The following RSRP1 variants were observed in gnomAD, a reference collection of about 807,000 sequenced individuals.
RSRP1 encodes arginine/serine-rich protein 1.
In RSRP1, 37 loss-of-function variants were observed where a neutral mutation model predicts 33.0. That is an observed-to-expected ratio of 1.12 (90% confidence interval 0.86 to 1.48). RSRP1 has a LOEUF of 1.48. Ranked by LOEUF, RSRP1 falls within the 40% of genes most tolerant of loss-of-function variation. The pLI, the probability that RSRP1 is intolerant of heterozygous loss-of-function variation, is 0.00. For missense variants in RSRP1, 402 were observed against 385.3 expected (o/e 1.04, Z -0.36); for synonymous variants, 167 against 158.7 (o/e 1.05, Z -0.40).
chr1:25,252,191 G>A (rs557289854), upstream of RSRP1, among the ~76,000 whole-genome samples: 5 of 151,780 alleles, frequency 3.3e-5, no homozygotes, highest in East Asian at 9.7e-4. Flanking sequence ...AGCCTCCCAA[G>A]TAGCAGGGAT....
chr1:25,248,408 G>A (rs190288678), upstream of RSRP1: 29 of 151,078 alleles, frequency 1.9e-4, no homozygotes, highest in African/African-American at 6.8e-4. Flanking sequence ...GAGTGTGGTG[G>A]GGCCATCACG....
intron 1 of RSRP1, among the ~76,000 whole-genome samples, chr1:25,323,573 C>G (rs537576460): frequency 0.015 from 1,832 of 125,716 alleles, 322 homozygotes; most frequent in African/African-American, 0.047. Flanking sequence ...GATCCTCCCC[C>G]CTCAGCCTCC....
rs1382729263 is a variant in RSRP1 at position 25,300,586 on chromosome 1, G to C, written c.-67+37392C>G. ...GCACTTTGGGAGGCCGAGGCGGGTG[G>C]ATCGCCTGAGGTCAGGAGTTTGAGA... is the stretch of plus-strand genomic sequence containing the variant. On this transcript the variant is annotated intron_variant, in intron 1 of 1. Coordinates refer to the RSRP1 transcript ENST00000561867. 8.5e-5 allele frequency among the ~76,000 whole-genome samples: 11 copies of C among 130,018 alleles called. 3 individuals are homozygous for C. Among genetic ancestry groups the C allele is most frequent in the African/African-American group, 2.9e-4 (11 of 37,838 alleles). 85.3% of individuals were successfully genotyped at this position (130,018 alleles called of 152,430 possible). A position where few individuals can be genotyped will look rare whatever the true frequency, so the allele number is the denominator to read the frequency against.
chr1:25,263,857 G>A (rs1640235201), intron 1 of RSRP1, among the ~76,000 whole-genome samples: 1 of 152,002 alleles, frequency 6.6e-6, no homozygotes. Context: ...AGATACAATG[G>A]GGGTACAGGC....
At chr1:25,272,839 C>T (rs1000885917) in intron 1 of RSRP1, 1 of 1,085,890 alleles carries the variant, frequency 9.2e-7, no homozygotes, top group African/African-American at 1.5e-5. Context: ...GTAGATTGCA[C>T]CGAAATTCAG....
chr1:25,267,753 G>C (rs1640356534), intron 1 of RSRP1: 1 of 132,226 alleles, frequency 7.6e-6, no homozygotes, highest in African/African-American at 2.6e-5. Context: ...AATCAAGACG[G>C]GTACGAAGGC....
At chr1:25,258,354 A>AT (rs897720919) in intron 1 of RSRP1, among the ~76,000 whole-genome samples, 2 of 151,890 alleles carry the variant, frequency 1.3e-5, no homozygotes, top group Non-Finnish European at 2.9e-5. Context: ...TAATTTTTGT[A>AT]TTTTTTGTAG....
chr1:25,317,811 G>C (rs1032779705), intron 1 of RSRP1, among the ~76,000 whole-genome samples: 1 of 81,898 alleles, frequency 1.2e-5, no homozygotes, highest in African/African-American at 4.0e-5. Context: ...TGTGTTGAGG[G>C]AACAGTAAGG....
At chr1:25,318,125 C>A (rs370955452) in intron 1 of RSRP1, 1 of 130,072 alleles carries the variant, frequency 7.7e-6, no homozygotes, top group East Asian at 2.0e-4. Context: ...GATTCAAGAC[C>A]AGCATGGCCA....
intron 1 of RSRP1, among the ~76,000 whole-genome samples, chr1:25,305,610 G>GTTGTTGT (rs1328261072): frequency 8.0e-6 from 1 of 124,414 alleles, no homozygotes; most frequent in African/African-American, 2.8e-5. Context: ...TGTTGTTGTT[G>GTTGTTGT]TTGTTGTTGA....
At chr1:25,250,222 G>A (rs959066250), upstream of RSRP1, among the ~76,000 whole-genome samples, 3 of 152,104 alleles carry the variant, frequency 2.0e-5, no homozygotes, top group Non-Finnish European at 2.9e-5. Context: ...AGATAAATGC[G>A]GGGGCTTTAG....
chr1:25,264,691 A>C (rs1640269425), intron 1 of RSRP1, among the ~76,000 whole-genome samples: 2 of 143,040 alleles, frequency 1.4e-5, no homozygotes, highest in Admixed American at 7.2e-5. Context: ...TACTCATGCA[A>C]ATTTCTGCAG....
intron 1 of RSRP1, among the ~76,000 whole-genome samples, chr1:25,312,864 G>A (rs1484155306): frequency 3.1e-5 from 3 of 96,184 alleles, no homozygotes; most frequent in Non-Finnish European, 6.8e-5. Context: ...AGGCTGCAGT[G>A]AGCTATGATC....
At chr1:25,312,938 A>AAAAAAAAC (rs1644234639) in intron 1 of RSRP1, among the ~76,000 whole-genome samples, 1 of 107,268 alleles carries the variant, frequency 9.3e-6, no homozygotes, top group African/African-American at 2.9e-5. Flanking sequence ...AAAAAAAAAA[A>AAAAAAAAC]AAAAAAAAAA....
chr1:25,260,698 G>A (rs937182225), intron 1 of RSRP1, among the ~76,000 whole-genome samples: 2 of 152,116 alleles, frequency 1.3e-5, no homozygotes, highest in Admixed American at 1.3e-4. Flanking sequence ...CGGCAAGGCT[G>A]GTTTCTGGTG....
At chr1:25,330,167 T>C (rs1345043699) in intron 1 of RSRP1, 1 of 132,614 alleles carries the variant, frequency 7.5e-6, no homozygotes, top group African/African-American at 2.6e-5. Flanking sequence ...CCCAAGATTA[T>C]ATTATTGTTT....
Position 25,242,745 on chromosome 1 carries a change from T to C in RSRP1, c.757-40A>G, listed in dbSNP as rs570725263. 77 of 1,327,292 alleles carry C rather than the reference T, an allele frequency of 5.8e-5. No homozygotes were observed. In the South Asian group the frequency reaches 5.9e-4, roughly 10 times the overall value. The allele number at this position is 1,327,292 out of a possible 1,614,324, so 82.2% of individuals were successfully genotyped here. A position where few individuals can be genotyped will look rare whatever the true frequency, so the allele number is the denominator to read the frequency against. On this transcript the variant is annotated intron_variant, in intron 4 of 4. Transcript: ENST00000243189. ...ATTCAGTCAGCTTCCCAAACATACA[T>C]TGTACACTTTTTTCACAAAAAAAAG...
intron 1 of RSRP1, among the ~76,000 whole-genome samples, chr1:25,257,402 T>A (rs1233751917): frequency 6.6e-6 from 1 of 152,080 alleles, no homozygotes; most frequent in Admixed American, 6.6e-5. Context: ...GTTTACTGAA[T>A]GAACAAATGA....
rs1170717382 is a variant in RSRP1 at position 25,320,197 on chromosome 1, C to T, written c.-67+17781G>A. Among the ~76,000 whole-genome samples the T allele has an allele frequency of 3.8e-5, 5 of 131,996 alleles. 1 individual carries two copies. Among genetic ancestry groups the T allele is most frequent in the African/African-American group, 1.0e-4 (4 of 38,704 alleles). The allele number at this position is 131,996 out of a possible 152,430, so 86.6% of individuals were successfully genotyped here. On this transcript the variant is annotated intron_variant, in intron 1 of 1. Coordinates refer to the RSRP1 transcript ENST00000561867. Reference sequence around the variant, plus strand: ...ACAGGGATAAGCCACTGCGACCGGCCGACAAATTCTTAAAACTGGACACAA... The same window carrying T: ...ACAGGGATAAGCCACTGCGACCGGCTGACAAATTCTTAAAACTGGACACAA...
Sources: allele counts gnomAD v4.1 joint callset (sites outside exome capture counted in the v4.1 genomes callset), GRCh38; gene constraint gnomAD v4.1.1; transcripts MANE v1.5; gene names NCBI Gene and HGNC (gene_info 2026-07-23, HGNC 2026-07-21).